The following SNRPN variants were observed in gnomAD, a reference collection of about 807,000 sequenced individuals.
SNRPN encodes small nuclear ribonucleoprotein-associated protein N.
A neutral mutation model predicts 25.2 loss-of-function variants in SNRPN; 7 were observed. The observed-to-expected ratio is 0.28, with a 90% CI of 0.16 to 0.52. SNRPN has a LOEUF of 0.52. SNRPN is among the 20% of genes least tolerant of loss of function. The probability of loss-of-function intolerance (pLI) is 0.96; values close to 1 mark genes in which losing one functional copy is unlikely to be tolerated. For missense variants in SNRPN, 196 were observed against 322.5 expected (o/e 0.61, Z 3.00); for synonymous variants, 124 against 110.6 (o/e 1.12, Z -0.76).
At chr15:24,874,171 G>A (rs537864765) in intron 1 of SNRPN, among the ~76,000 whole-genome samples, 6 of 151,084 alleles carry the variant, frequency 4.0e-5, no homozygotes, top group South Asian at 2.1e-4. Context: ...TTAGCCGGGC[G>A]TGGTGGCAGG....
At chr15:24,844,684 C>T (rs2144240064) in intron 2 of SNRPN, among the ~76,000 whole-genome samples, 1 of 152,142 alleles carries the variant, frequency 6.6e-6, no homozygotes, top group South Asian at 2.1e-4. Flanking sequence ...TCTATCATGC[C>T]CGGCTAATTT....
chr15:24,858,167 G>A (rs187410982), intron 1 of SNRPN, among the ~76,000 whole-genome samples: 5 of 152,254 alleles, frequency 3.3e-5, no homozygotes, highest in African/African-American at 7.2e-5. Flanking sequence ...ATCCTAAACC[G>A]TAATTTTTAA....
intron 1 of SNRPN, among the ~76,000 whole-genome samples, chr15:24,882,557 T>G (rs2056791362): frequency 6.6e-6 from 1 of 152,162 alleles, no homozygotes; most frequent in Non-Finnish European, 1.5e-5. Context: ...CCAGGCACGG[T>G]GGCTTACGCC....
rs1244830595 is a variant in SNRPN, at chr15:24,976,301, G to A, written c.156-4G>A. 6 of 1,612,114 alleles carry A rather than the reference G, an allele frequency of 3.7e-6. No individual in the cohort carries two copies. The African/African-American group carries it at 4.0e-5, about 11-fold the overall frequency. On this transcript the variant is annotated splice_region_variant and splice_polypyrimidine_tract_variant and intron_variant, in intron 5 of 9. Coordinates refer to ENST00000390687, the MANE Select transcript of SNRPN (RefSeq NM_003097.6). Reference sequence around the variant, plus strand: ...TCTCACTAAAATTTAATTCTGATTTGTAGGCCAAAGAATGCGAAGCAACCA... The same window carrying A: ...TCTCACTAAAATTTAATTCTGATTTATAGGCCAAAGAATGCGAAGCAACCA...
At chr15:24,943,900 C>G (rs926974131) in intron 3 of SNRPN, among the ~76,000 whole-genome samples, 1 of 152,112 alleles carries the variant, frequency 6.6e-6, no homozygotes, top group Non-Finnish European at 1.5e-5. Flanking sequence ...TGGCTCACTG[C>G]AGCCGCTGTC....
chr15:24,827,236 C>T (rs908911565), intron 1 of SNRPN, among the ~76,000 whole-genome samples: 2 of 151,954 alleles, frequency 1.3e-5, no homozygotes, highest in Non-Finnish European at 1.5e-5. Context: ...TGTATGCAGC[C>T]GGGCGCGGTG....
At chr15:24,895,509 T>A (rs937498794) in intron 2 of SNRPN, among the ~76,000 whole-genome samples, 1 of 151,050 alleles carries the variant, frequency 6.6e-6, no homozygotes, top group Admixed American at 6.6e-5. Flanking sequence ...GATGACTGAG[T>A]CAAAAAGAGA....
chr15:24,961,785 T>C (rs978286873), intron 1 of SNRPN, among the ~76,000 whole-genome samples: 1 of 152,116 alleles, frequency 6.6e-6, no homozygotes, highest in Non-Finnish European at 1.5e-5. Flanking sequence ...AGTAGGGTAG[T>C]GGTGGTATGT....
intron 2 of SNRPN, among the ~76,000 whole-genome samples, chr15:24,918,878 T>C (rs12900196): frequency 0.052 from 2,662 of 51,444 alleles, 667 homozygotes; most frequent in African/African-American, 0.1. Context: ...TATATGTGCA[T>C]ATATATATAA....
chr15:24,839,514 C>A (rs1014695266), intron 2 of SNRPN, among the ~76,000 whole-genome samples: 1 of 152,090 alleles, frequency 6.6e-6, no homozygotes, highest in East Asian at 1.9e-4. Context: ...AATTGCCATT[C>A]CCTGATGAGG....
intron 3 of SNRPN, among the ~76,000 whole-genome samples, chr15:24,941,304 G>A (rs775778307): frequency 6.6e-6 from 1 of 152,088 alleles, no homozygotes; most frequent in African/African-American, 2.4e-5. Context: ...ATACACACAG[G>A]CACATACACA....
chr15:24,935,272 C>CAAAAAAAAA (rs991716798), intron 3 of SNRPN, among the ~76,000 whole-genome samples: 1,950 of 133,310 alleles, frequency 0.015, 43 homozygotes, highest in African/African-American at 0.051. Context: ...ACTTTGTCTC[C>CAAAAAAAAA]AAAAAAAAAA....
chr15:24,879,924 A>T (rs2056413734), intron 1 of SNRPN, among the ~76,000 whole-genome samples: 1 of 152,156 alleles, frequency 6.6e-6, no homozygotes, highest in South Asian at 2.1e-4. Flanking sequence ...GATGAGATTC[A>T]CACTTGGGCT....
chr15:24,904,166 C>A (rs2058647820), intron 2 of SNRPN, among the ~76,000 whole-genome samples: 1 of 152,054 alleles, frequency 6.6e-6, no homozygotes, highest in Non-Finnish European at 1.5e-5. Flanking sequence ...CTATGTTTTG[C>A]TGCAGTGTGT....
intron 2 of SNRPN, chr15:24,851,292 T>C (rs2052801794): frequency 6.6e-6 from 1 of 152,246 alleles, no homozygotes; most frequent in Non-Finnish European, 1.5e-5. Context: ...ATTCAAGGAC[T>C]GTAACCCAAA....
intron 2 of SNRPN, among the ~76,000 whole-genome samples, chr15:24,903,701 T>G (rs892330103): frequency 6.6e-6 from 1 of 152,180 alleles, no homozygotes; most frequent in Non-Finnish European, 1.5e-5. Flanking sequence ...GGGATATTAC[T>G]GAGTTTTAAT....
chr15:24,907,365 A>C (rs1307179285), intron 2 of SNRPN, among the ~76,000 whole-genome samples: 1 of 152,066 alleles, frequency 6.6e-6, no homozygotes, highest in Non-Finnish European at 1.5e-5. Flanking sequence ...TGGGAGGCCG[A>C]GGCAGGCGGA....
At chr15:24,898,389 A>T (rs2058218187) in intron 2 of SNRPN, among the ~76,000 whole-genome samples, 1 of 152,122 alleles carries the variant, frequency 6.6e-6, no homozygotes, top group Non-Finnish European at 1.5e-5. Flanking sequence ...AGAGATCGAG[A>T]CCATCCTGGC....
chr15:24,940,988 T>C (rs901019953), intron 3 of SNRPN, among the ~76,000 whole-genome samples: 3 of 152,146 alleles, frequency 2.0e-5, no homozygotes, highest in African/African-American at 4.8e-5. Flanking sequence ...CTTTTGTTTT[T>C]GTTTTTGTTT....
Sources: allele counts gnomAD v4.1 joint callset (sites outside exome capture counted in the v4.1 genomes callset), GRCh38; gene constraint gnomAD v4.1.1; transcripts MANE v1.5; gene names NCBI Gene and HGNC (gene_info 2026-07-23, HGNC 2026-07-21).